Variants in DENND2A observed in about 807,000 individuals in gnomAD.
DENND2A encodes the protein DENN domain-containing protein 2A.
Under a neutral mutation model 105.3 loss-of-function variants are expected in DENND2A, and 53 were observed. The ratio of observed to expected loss-of-function variants is 0.50; its 90% confidence interval spans 0.40 to 0.63. The LOEUF (loss-of-function observed/expected upper bound fraction) is 0.63. Among genes scored for constraint, DENND2A ranks in the 30% least tolerant of loss-of-function variants. DENND2A has a pLI of 0.00. For synonymous variants in DENND2A, 522 were observed against 508.4 expected (o/e 1.03, Z -0.36); for missense variants, 1,138 against 1,279.6 (o/e 0.89, Z 1.69).
rs1796809450 is a variant in DENND2A at position 140,544,468 on chromosome 7, T to C, written c.2327+150A>G. On this transcript the variant is annotated intron_variant, in intron 14 of 19. Transcript: ENST00000496613. ...CCTCAGCCTCTCAAAGTGCTGAGAT[T>C]ACAGGTGTGAGTCACCGCGCCCAGC... 5.1e-6 allele frequency: 5 copies of C among 982,346 alleles called. No individual in the cohort carries two copies. The South Asian group carries it at 7.1e-5, about 14-fold the overall frequency. 60.9% of individuals were successfully genotyped at this position (982,346 alleles called of 1,614,324 possible).
In DENND2A at chr7:140,601,462, T is replaced by C. The variant is rs1585731738; in HGVS notation, c.936A>G (p.Pro312=). The C allele has an allele frequency of 6.2e-7, 1 of 1,613,184 alleles. No individual in the cohort carries two copies. The highest frequency in any genetic ancestry group is 1.1e-5 in the South Asian group (1 of 90,880). Residue 312 remains proline (P), a synonymous_variant, in exon 3 of 20, where the codon CCA becomes CCG. Transcript: ENST00000496613. ...ACAGTCTTCTGTTCACAGAGGAAGGTGGGGGAGAGGAGGGCAGAGGCGGGG... is the reference window on the plus strand; with the variant it reads ...ACAGTCTTCTGTTCACAGAGGAAGGCGGGGGAGAGGAGGGCAGAGGCGGGG... ...LPPPPLPSSP[P]PSSVNRRLWT...
intron 7 of DENND2A, among the ~76,000 whole-genome samples, chr7:140,569,209 G>A (rs1797990605): frequency 6.6e-6 from 1 of 152,196 alleles, no homozygotes; most frequent in Non-Finnish European, 1.5e-5. Flanking sequence ...TTACAGGCGT[G>A]AGCCACCGCG....
At chr7:140,587,951 C>A (rs1798856666) in intron 3 of DENND2A, among the ~76,000 whole-genome samples, 171 bp from the exon 4 acceptor site, 1 of 152,154 alleles carries the variant, frequency 6.6e-6, no homozygotes, top group Non-Finnish European at 1.5e-5. Flanking sequence ...TGCTCCGTTG[C>A]CCAGGCTGGA....
At chr7:140,631,929 A>T (rs2130738517) in intron 1 of DENND2A, among the ~76,000 whole-genome samples, 1 of 152,196 alleles carries the variant, frequency 6.6e-6, no homozygotes, top group Non-Finnish European at 1.5e-5. Context: ...CTGAGAGACT[A>T]GTCTCACTCC....
chr7:140,624,858 G>GT lies in DENND2A; in HGVS notation c.-248+15645dup, dbSNP rs955912203. On this transcript the variant is annotated intron_variant, in intron 1 of 19. Transcript: ENST00000496613. The stretch of plus-strand genomic sequence containing the variant: ...GATTTTGTTTTTCTTTGTTTTTTTT[G>GT]TTTTTTTTTGTTTTTTTTTTTTTGC... Among the ~76,000 whole-genome samples the GT allele has an allele frequency of 2.0e-3, 244 of 123,776 alleles. 1 individual carries two copies. Among genetic ancestry groups the GT allele is most frequent in the Middle Eastern group, 8.4e-3 (2 of 238 alleles). The allele number at this position is 123,776 out of a possible 152,430, so 81.2% of individuals were successfully genotyped here.
intron 4 of DENND2A, 72 bp from the exon 5 acceptor site, chr7:140,585,782 A>G: frequency 6.2e-7 from 1 of 1,605,244 alleles, no homozygotes; most frequent in Non-Finnish European, 8.5e-7. Context: ...CACTGAGGTC[A>G]GTATCTTGGC....
At chr7:140,640,904 C>G (rs1354024721), upstream of DENND2A, 1 of 152,056 alleles carries the variant, frequency 6.6e-6, no homozygotes. The surrounding 1 kb of genome is among the most constrained non-coding windows in gnomAD (Gnocchi z 4.9). Flanking sequence ...CCACGGCAAC[C>G]CCTCTCCCAG....
chr7:140,570,947 C>T (rs968345734), intron 6 of DENND2A, among the ~76,000 whole-genome samples: 1 of 152,184 alleles, frequency 6.6e-6, no homozygotes, highest in Non-Finnish European at 1.5e-5. Flanking sequence ...GCTGGGTCCC[C>T]CAGGGCTTGC....
intron 1 of DENND2A, among the ~76,000 whole-genome samples, chr7:140,628,766 T>C (rs1585789418): frequency 6.6e-6 from 1 of 151,968 alleles, no homozygotes; most frequent in East Asian, 1.9e-4. Context: ...GGTCTCGAAC[T>C]CCTGACCTCA....
Position 140,601,562 on chromosome 7 carries a change from C to T in DENND2A, c.836G>A (p.Gly279Glu). The T allele has an allele frequency of 6.2e-7, 1 of 1,614,182 alleles. No individual in the cohort carries two copies. Among genetic ancestry groups the T allele is most frequent in the Non-Finnish European group, 8.5e-7 (1 of 1,180,036 alleles). ...PRRTFKHAGE[G>E]DKDGKPGIGF... is the part of the protein sequence containing the mutation. ...GATGCCAGGCTTCCCATCTTTGTCC[C>T]CTTCTCCGGCATGTTTGAACGTTCT... The change falls in exon 3 of 20, where the codon GGG becomes GAG. Residue 279 changes from glycine to glutamate, a missense_variant. Around this residue, in one of 2 missense-constraint regions of DENND2A, gnomAD observed 511 missense variants for 499.9 expected, o/e 1.02. Transcript: ENST00000496613.
chr7:140,576,976 G>A (rs941214657), intron 5 of DENND2A, among the ~76,000 whole-genome samples: 1 of 152,250 alleles, frequency 6.6e-6, no homozygotes, highest in East Asian at 1.9e-4. Context: ...CCTATGAAAA[G>A]GTCAGAGAAG....
At chr7:140,623,486 T>C (rs905266916) in intron 1 of DENND2A, among the ~76,000 whole-genome samples, 1 of 151,100 alleles carries the variant, frequency 6.6e-6, no homozygotes, top group Non-Finnish European at 1.5e-5. Context: ...TCCCAGCACT[T>C]TGGGAGGCCG....
chr7:140,634,393 T>C (rs902293591), intron 1 of DENND2A, among the ~76,000 whole-genome samples: 2 of 152,184 alleles, frequency 1.3e-5, no homozygotes, highest in Non-Finnish European at 2.9e-5. Context: ...TTTAAAACAA[T>C]AATAAGATAT....
At chr7:140,574,282 G>C (rs914614789) in intron 5 of DENND2A, among the ~76,000 whole-genome samples, 6 of 151,990 alleles carry the variant, frequency 3.9e-5, no homozygotes, top group African/African-American at 1.5e-4. Flanking sequence ...GGAATGGCGC[G>C]ATCTCTGTTC....
chr7:140,573,102 A>G (rs913488323), intron 6 of DENND2A, among the ~76,000 whole-genome samples: 2 of 152,080 alleles, frequency 1.3e-5, no homozygotes, highest in African/African-American at 4.8e-5. Flanking sequence ...AGGCCCAGTC[A>G]CTTCTTTGGG....
chr7:140,641,080 T>G (rs1212491434), upstream of DENND2A, among the ~76,000 whole-genome samples: 1 of 151,988 alleles, frequency 6.6e-6, no homozygotes, highest in Non-Finnish European at 1.5e-5. Context: ...GCTTCCGGCC[T>G]GAGGCTTAGA....
chr7:140,526,806 C>T (rs1416171745), intron 15 of DENND2A, among the ~76,000 whole-genome samples: 1 of 152,160 alleles, frequency 6.6e-6, no homozygotes, highest in Non-Finnish European at 1.5e-5. Flanking sequence ...TCTCTGACTG[C>T]TGGAAGTCCC....
At chr7:140,534,102 T>TTTTTTTTTTTTTTTTTTTA (rs1491445966) in intron 14 of DENND2A, among the ~76,000 whole-genome samples, 2 of 132,314 alleles carry the variant, frequency 1.5e-5, no homozygotes, top group Non-Finnish European at 3.2e-5. Flanking sequence ...TTTTTTTTTT[T>TTTTTTTTTTTTTTTTTTTA]GAGATGGAGT....
intron 14 of DENND2A, among the ~76,000 whole-genome samples, chr7:140,542,719 C>T (rs975906260): frequency 2.0e-5 from 3 of 152,012 alleles, no homozygotes; most frequent in African/African-American, 4.8e-5. Context: ...TGGACCACCA[C>T]GCCCAACTAA....
Sources: allele counts gnomAD v4.1 joint callset (sites outside exome capture counted in the v4.1 genomes callset), GRCh38; gene constraint gnomAD v4.1.1; regional missense constraint gnomAD v4.1.1; non-coding constraint Gnocchi (gnomAD v3.1); transcripts MANE v1.5; gene names NCBI Gene and HGNC (gene_info 2026-07-23, HGNC 2026-07-21).